CNTN6: variants seen among roughly 807,000 people sequenced by gnomAD.
The protein encoded by CNTN6 is contactin-6.
CNTN6 carries 137 observed loss-of-function variants against 122.8 expected under a neutral mutation model. The ratio of observed to expected loss-of-function variants is 1.12; its 90% CI spans 0.97 to 1.29. CNTN6 has a LOEUF of 1.29. Among genes scored for constraint, CNTN6 ranks in the 50% most tolerant of loss-of-function variants. The probability of loss-of-function intolerance (pLI) is 0.00; values close to 1 mark genes in which losing one functional copy is unlikely to be tolerated. For missense variants in CNTN6, 1,634 were observed against 1,223.4 expected (o/e 1.34, Z -5.01); for synonymous variants, 570 against 426.0 (o/e 1.34, Z -4.16).
At chr3:1,267,719 AAATT>A (rs1228531944) in intron 4 of CNTN6, among the ~76,000 whole-genome samples, 1 of 152,216 alleles carries the variant, frequency 6.6e-6, no homozygotes, top group Admixed American at 6.5e-5. Flanking sequence ...ATATTTATAA[AAATT>A]AACAAGTGGA....
At chr3:1,110,390 A>G (rs2091425107) in intron 1 of CNTN6, among the ~76,000 whole-genome samples, 1 of 152,140 alleles carries the variant, frequency 6.6e-6, no homozygotes, top group African/African-American at 2.4e-5. Flanking sequence ...TACTGTCAAA[A>G]GACAAAAATT....
chr3:1,332,035 T>A (rs1702363398), intron 11 of CNTN6, among the ~76,000 whole-genome samples: 1 of 151,984 alleles, frequency 6.6e-6, no homozygotes. Flanking sequence ...CCCTGTGAGT[T>A]CTATTTATAC....
intron 2 of CNTN6, among the ~76,000 whole-genome samples, chr3:1,219,734 G>A (rs1029713486): frequency 9.9e-5 from 15 of 152,266 alleles, no homozygotes; most frequent in African/African-American, 3.6e-4. Flanking sequence ...AATTAAGAGA[G>A]GCCATGCATG....
chr3:1,384,722 TATAC>T (rs1233013230), intron 19 of CNTN6, among the ~76,000 whole-genome samples: 2,193 of 141,364 alleles, frequency 0.016, 39 homozygotes, highest in South Asian at 0.037. Context: ...ACATACTATA[TATAC>T]ACACATATAT....
intron 7 of CNTN6, among the ~76,000 whole-genome samples, chr3:1,316,958 A>G (rs976815657): frequency 6.6e-6 from 1 of 151,892 alleles, no homozygotes; most frequent in Non-Finnish European, 1.5e-5. Flanking sequence ...TAAAATGCAT[A>G]CATATTTTTA....
At chr3:1,260,696 G>A (rs758285960) in intron 4 of CNTN6, among the ~76,000 whole-genome samples, 1 of 151,872 alleles carries the variant, frequency 6.6e-6, no homozygotes, top group Admixed American at 6.6e-5. Context: ...TCATGGGGGC[G>A]GTTACCCTCA....
intron 11 of CNTN6, among the ~76,000 whole-genome samples, chr3:1,342,228 C>G (rs1369767997): frequency 6.6e-6 from 1 of 152,106 alleles, no homozygotes; most frequent in Non-Finnish European, 1.5e-5. Flanking sequence ...CTTCCGGGTT[C>G]AAGCAATTCT....
chr3:1,302,403 T>A (rs1301497093), intron 7 of CNTN6, among the ~76,000 whole-genome samples: 4 of 152,136 alleles, frequency 2.6e-5, no homozygotes, highest in Non-Finnish European at 5.9e-5. Context: ...TTTTTTCTTA[T>A]TACATTACTA....
intron 2 of CNTN6, among the ~76,000 whole-genome samples, chr3:1,210,334 TG>T: frequency 6.6e-6 from 1 of 151,390 alleles, no homozygotes; most frequent in Non-Finnish European, 1.5e-5. Context: ...TAAAGAAAAT[TG>T]GTAAAAGATA....
chr3:1,178,462 G>A (rs1343659806), intron 2 of CNTN6, among the ~76,000 whole-genome samples: 4 of 152,118 alleles, frequency 2.6e-5, no homozygotes, highest in Non-Finnish European at 5.9e-5. Context: ...TTAGCCTGCT[G>A]ATGATGCATA....
At chr3:1,246,505 T>C (rs1407633757) in intron 4 of CNTN6, among the ~76,000 whole-genome samples, 2 of 152,178 alleles carry the variant, frequency 1.3e-5, no homozygotes, top group East Asian at 1.9e-4. Flanking sequence ...CTTGCACATA[T>C]CTTTTGGGAG....
At chr3:1,143,000 A>G (rs7631968) in intron 1 of CNTN6, among the ~76,000 whole-genome samples, 1 of 135,422 alleles carries the variant, frequency 7.4e-6, no homozygotes, top group East Asian at 2.1e-4. Flanking sequence ...ATATATATAT[A>G]TATGTATATG....
At chr3:1,255,544 C>T (rs1035318442) in intron 4 of CNTN6, among the ~76,000 whole-genome samples, 2 of 152,092 alleles carry the variant, frequency 1.3e-5, no homozygotes, top group Admixed American at 1.3e-4. Flanking sequence ...ATTGCTAACA[C>T]TCAGGATTTT....
At chr3:1,228,046 C>A in intron 4 of CNTN6, 53 bp downstream of exon 4, 2 of 1,503,808 alleles carry the variant, frequency 1.3e-6, no homozygotes, top group South Asian at 2.4e-5. Flanking sequence ...TAATATTCTT[C>A]TGATACACAC....
chr3:1,384,194 C>T (rs1008092062), intron 19 of CNTN6, among the ~76,000 whole-genome samples: 3 of 152,150 alleles, frequency 2.0e-5, no homozygotes, highest in East Asian at 3.9e-4. Flanking sequence ...TAAAATTTTT[C>T]AAGAGGACAG....
chr3:1,272,253 AATACTC>A (rs969207021), intron 4 of CNTN6, among the ~76,000 whole-genome samples: 9 of 152,184 alleles, frequency 5.9e-5, no homozygotes, highest in Admixed American at 1.3e-4. Context: ...AAAATTGACT[AATACTC>A]AAACTCTCTT....
At chr3:1,114,127 C>T (rs570125061) in intron 1 of CNTN6, among the ~76,000 whole-genome samples, 1 of 152,290 alleles carries the variant, frequency 6.6e-6, no homozygotes, top group Non-Finnish European at 1.5e-5. Context: ...CTCTTCGGTT[C>T]TGTGTGGCTT....
chr3:1,372,606 T>A, intron 13 of CNTN6, 132 bp downstream of exon 13: 1 of 864,840 alleles, frequency 1.2e-6, no homozygotes, highest in Non-Finnish European at 1.7e-6. Context: ...GCTACATTTG[T>A]TTTTGTTTTG....
At position 1,372,359 on chromosome 3, in the gene CNTN6, T is replaced by G; in HGVS notation, c.1553T>G (p.Val518Gly). Residue 518 changes from valine to glycine, a missense_variant, in exon 13 of 23, where the codon GTG becomes GGG. Val to Gly is a moderately radical substitution (Grantham distance 109). Coordinates refer to ENST00000446702, the MANE Select transcript of CNTN6 (RefSeq NM_001289080.2). ...GATGTTACAGTTGGCGAGAGTATAGTGCTACCATGCCAGGTGTCCCATGAC... is the reference window on the plus strand; with the variant it reads ...GATGTTACAGTTGGCGAGAGTATAGGGCTACCATGCCAGGTGTCCCATGAC... Reference protein sequence around the residue: ...KMDVTVGESIVLPCQVSHDPS... With the variant: ...KMDVTVGESIGLPCQVSHDPS... The G allele has an allele frequency of 6.2e-7, 1 of 1,613,632 alleles. No homozygotes were observed. The highest frequency in any genetic ancestry group is 8.5e-7 in the Non-Finnish European group (1 of 1,179,682).
Sources: gnomAD v4.1 joint callset for allele counts (sites outside exome capture counted in the v4.1 genomes callset) on GRCh38, gnomAD v4.1.1 for gene constraint, MANE v1.5 for transcripts, NCBI Gene and HGNC (gene_info 2026-07-23, HGNC 2026-07-21) for gene names.